MGAT4C: variants seen among roughly 807,000 people sequenced by gnomAD.
MGAT4C encodes MGAT4 family member C.
MGAT4C carries 19 observed loss-of-function variants against 40.1 expected under a neutral mutation model. The ratio of observed to expected loss-of-function variants is 0.47; its 90% CI spans 0.33 to 0.70. The LOEUF (loss-of-function observed/expected upper bound fraction) is 0.70. Among genes scored for constraint, MGAT4C ranks in the 30% least tolerant of loss-of-function variants. The pLI is 0.02. For missense variants in MGAT4C, 491 were observed against 563.2 expected (o/e 0.87, Z 1.30); for synonymous variants, 181 against 187.1 (o/e 0.97, Z 0.27).
rs570103437 is a variant in MGAT4C, at chr12:86,764,933, A to G, written c.-261-37692T>C. Among the ~76,000 whole-genome samples, 9 of 152,244 alleles carry G rather than the reference A, an allele frequency of 5.9e-5. No individual in the cohort carries two copies. In the East Asian group the frequency reaches 1.4e-3, roughly 23 times the overall value. On this transcript the variant is annotated intron_variant, in intron 1 of 7. Coordinates refer to the MGAT4C transcript ENST00000548651. ...GATGGGGAAAAAACAGAGCAGAAAA[A>G]CTGGAAACTCTAAAAAGCAGAGCGC...
chr12:85,961,171 C>T lies in MGAT4C; in HGVS notation c.*18118G>A, dbSNP rs1249312284. ...TTCAGTCAGATTTATAAAGTATGAC[C>T]TATAGCATCCAACTCCATCATTTTC... On this transcript the variant is annotated 3_prime_UTR_variant, in exon 5 of 5. Transcript: ENST00000611864. 1 of 151,850 alleles carries T rather than the reference C, an allele frequency of 6.6e-6. No individual in the cohort carries two copies. The highest frequency in any genetic ancestry group is 1.5e-5 in the Non-Finnish European group (1 of 67,824). The allele number at this position is 151,850 out of a possible 1,614,324, so 9.4% of individuals were successfully genotyped here.
intron 1 of MGAT4C, among the ~76,000 whole-genome samples, chr12:86,117,308 T>A (rs913134246): frequency 4.6e-5 from 7 of 152,250 alleles, no homozygotes; most frequent in African/African-American, 1.4e-4. Flanking sequence ...AAAATATATG[T>A]GAGAGTGTAT....
At chr12:86,823,323 AT>A (rs1952738611) in intron 1 of MGAT4C, among the ~76,000 whole-genome samples, 1 of 151,356 alleles carries the variant, frequency 6.6e-6, no homozygotes, top group Non-Finnish European at 1.5e-5. Context: ...AAAAAAATTA[AT>A]GAAATTGGGT....
At chr12:86,502,843 TATATATATATGAGTTCTGCTC>T (rs1227477324) in intron 2 of MGAT4C, among the ~76,000 whole-genome samples, 5 of 97,034 alleles carry the variant, frequency 5.2e-5, no homozygotes, top group East Asian at 3.2e-4. Flanking sequence ...GTTCTGCTCA[TATATATATATGAGTTCTGCTC>T]ATATATATAT....
chr12:86,486,874 T>C (rs999111147), intron 2 of MGAT4C, among the ~76,000 whole-genome samples: 7 of 152,252 alleles, frequency 4.6e-5, no homozygotes, highest in South Asian at 4.1e-4. Flanking sequence ...TGAGTAAACA[T>C]TGGGAGTCTT....
intron 4 of MGAT4C, among the ~76,000 whole-genome samples, chr12:86,269,135 C>T (rs998869587): frequency 2.7e-5 from 4 of 146,318 alleles, no homozygotes; most frequent in African/African-American, 1.0e-4. Context: ...GTTGTGAGCT[C>T]CTCATAGGCC....
At chr12:86,712,904 C>T (rs1262851283) in intron 2 of MGAT4C, among the ~76,000 whole-genome samples, 1 of 152,052 alleles carries the variant, frequency 6.6e-6, no homozygotes, top group East Asian at 1.9e-4. Context: ...AAAAGCCATC[C>T]TTCCCCTATA....
intron 2 of MGAT4C, among the ~76,000 whole-genome samples, chr12:86,653,195 G>T (rs1963743547): frequency 1.3e-5 from 2 of 151,828 alleles, no homozygotes; most frequent in African/African-American, 4.8e-5. Flanking sequence ...TTTCAGTGTA[G>T]TCAGATTAAG....
intron 1 of MGAT4C, among the ~76,000 whole-genome samples, chr12:86,774,217 T>G (rs1951690461): frequency 6.6e-6 from 1 of 152,054 alleles, no homozygotes; most frequent in Admixed American, 6.6e-5. Context: ...CCTCCTAAAG[T>G]GCTGGGATTA....
chr12:86,165,508 T>G (rs1461147954), intron 1 of MGAT4C, among the ~76,000 whole-genome samples: 1 of 152,186 alleles, frequency 6.6e-6, no homozygotes, highest in Non-Finnish European at 1.5e-5. Flanking sequence ...TGTTCATATG[T>G]TCACAAAGGA....
chr12:86,711,349 G>C (rs1220278683), intron 2 of MGAT4C, among the ~76,000 whole-genome samples: 1 of 152,064 alleles, frequency 6.6e-6, no homozygotes, highest in Non-Finnish European at 1.5e-5. Context: ...CCAGTACCAG[G>C]AGCTGGGGAA....
intron 2 of MGAT4C, among the ~76,000 whole-genome samples, chr12:86,008,276 AT>A (rs1888100198): frequency 1.3e-5 from 2 of 151,870 alleles, no homozygotes; most frequent in South Asian, 4.1e-4. Flanking sequence ...CTAAAAATAC[AT>A]TTTTCTCAAC....
intron 2 of MGAT4C, among the ~76,000 whole-genome samples, chr12:86,450,021 T>A (rs998449574): frequency 2.0e-5 from 3 of 152,156 alleles, no homozygotes; most frequent in Admixed American, 6.6e-5. Flanking sequence ...TTATATGTCA[T>A]GTGATTTTGT....
chr12:86,157,104 TA>T (rs1056097359), intron 1 of MGAT4C, among the ~76,000 whole-genome samples: 2 of 143,160 alleles, frequency 1.4e-5, no homozygotes, highest in African/African-American at 2.6e-5. Flanking sequence ...TATCATGATA[TA>T]AGGCATTTTG....
intron 2 of MGAT4C, among the ~76,000 whole-genome samples, chr12:86,036,044 G>C (rs942956864): frequency 4.0e-5 from 6 of 149,980 alleles, no homozygotes; most frequent in African/African-American, 1.2e-4. Flanking sequence ...GTTTAAAATT[G>C]TCTTGGATAT....
chr12:86,456,258 G>A (rs1173720478), intron 2 of MGAT4C, among the ~76,000 whole-genome samples: 1 of 152,030 alleles, frequency 6.6e-6, no homozygotes, highest in Non-Finnish European at 1.5e-5. Context: ...TCATCATGAT[G>A]TTACAGAGAA....
At chr12:86,619,133 A>G (rs889045333) in intron 2 of MGAT4C, among the ~76,000 whole-genome samples, 1 of 152,142 alleles carries the variant, frequency 6.6e-6, no homozygotes, top group Non-Finnish European at 1.5e-5. Context: ...ACATCATTTC[A>G]TATAAGGAAC....
At chr12:86,392,889 C>G (rs375412475) in intron 3 of MGAT4C, among the ~76,000 whole-genome samples, 122 of 152,096 alleles carry the variant, frequency 8.0e-4, no homozygotes, top group Non-Finnish European at 1.5e-3. Context: ...ATTATTGATC[C>G]AAATATTAAC....
chr12:86,531,955 C>G (rs2136373641), intron 2 of MGAT4C, among the ~76,000 whole-genome samples: 1 of 151,982 alleles, frequency 6.6e-6, no homozygotes, highest in Non-Finnish European at 1.5e-5. Flanking sequence ...ATGGATTAGT[C>G]AACTCTATGG....
Sources: allele counts gnomAD v4.1 joint callset (sites outside exome capture counted in the v4.1 genomes callset), GRCh38; gene constraint gnomAD v4.1.1; transcripts MANE v1.5; gene names NCBI Gene and HGNC (gene_info 2026-07-23, HGNC 2026-07-21).